BTBD7: variants seen among roughly 807,000 people sequenced by gnomAD.
BTBD7 encodes BTB/POZ domain-containing protein 7.
A neutral mutation model predicts 99.9 loss-of-function variants in BTBD7; 38 were observed. The ratio of observed to expected loss-of-function variants is 0.38; its 90% CI spans 0.29 to 0.50. BTBD7 has a LOEUF of 0.50. Ranked by LOEUF, BTBD7 falls within the 20% of genes least tolerant of loss-of-function variation. The probability of loss-of-function intolerance (pLI) is 0.93; values close to 1 mark genes in which losing one functional copy is unlikely to be tolerated. For missense variants in BTBD7, 1,170 were observed against 1,394.6 expected (o/e 0.84, Z 2.57); for synonymous variants, 520 against 511.4 (o/e 1.02, Z -0.23).
intron 1 of BTBD7, among the ~76,000 whole-genome samples, chr14:93,330,610 G>C (rs2053391132): frequency 1.3e-5 from 2 of 152,068 alleles, no homozygotes; most frequent in African/African-American, 2.4e-5. Context: ...ATATGTTAAT[G>C]GCAAAAACTG....
chr14:93,254,921 T>C lies in BTBD7; in HGVS notation c.1609-1131A>G, dbSNP rs368677189. Among the ~76,000 whole-genome samples the C allele has an allele frequency of 1.3e-4, 20 of 152,344 alleles. 1 individual carries two copies. The South Asian group carries it at 3.9e-3, about 30-fold the overall frequency. On this transcript the variant is annotated intron_variant, in intron 6 of 10. Transcript: ENST00000334746. ...CCTAACCAAAGTTCTAAAATACTTT[T>C]CTAAACTACATACAGGGTTCAATTT...
chr14:93,264,903 C>T (rs1222533416), intron 3 of BTBD7, among the ~76,000 whole-genome samples: 4 of 152,152 alleles, frequency 2.6e-5, no homozygotes, highest in African/African-American at 9.7e-5. Flanking sequence ...GAGTTAAGAC[C>T]AGTCTGGCCA....
intron 3 of BTBD7, chr14:93,288,687 G>A (rs967516197): frequency 1.9e-6 from 3 of 1,587,088 alleles, no homozygotes; most frequent in African/African-American, 2.7e-5. Flanking sequence ...GCACAGGCAG[G>A]CCTGATGACT....
At chr14:93,244,084 T>C (rs1473950898) in intron 10 of BTBD7, 1 of 473,068 alleles carries the variant, frequency 2.1e-6, no homozygotes, top group Non-Finnish European at 4.2e-6. Context: ...AGTGACACAG[T>C]AGAGGAAGGG....
At position 93,294,180 on chromosome 14, in the gene BTBD7, A is replaced by C. The variant is rs763051279; in HGVS notation, c.840T>G (p.Val280=). 3 of 1,614,220 alleles carry C rather than the reference A, an allele frequency of 1.9e-6. No homozygotes were observed. In the South Asian group the frequency reaches 3.3e-5, roughly 18 times the overall value. Residue 280 remains valine (V), a synonymous_variant, in exon 3 of 11, where the codon GTT becomes GTG. Coordinates refer to ENST00000334746, the MANE Select transcript of BTBD7 (RefSeq NM_001002860.4). ...LDEELKAHKA[V]ISARSPFFRN... ...GAAAAAATGGGGACCGTGCAGAAAT[A>C]ACAGCCTTGTGGGCTTTGAGCTCTT...
At chr14:93,310,538 T>C (rs917651504) in intron 1 of BTBD7, among the ~76,000 whole-genome samples, 2 of 152,142 alleles carry the variant, frequency 1.3e-5, no homozygotes, top group Admixed American at 1.3e-4. Flanking sequence ...TACAGTAAAT[T>C]GATAGAGACC....
chr14:93,306,670 GAAGT>G (rs2053074261), intron 1 of BTBD7, among the ~76,000 whole-genome samples: 1 of 152,122 alleles, frequency 6.6e-6, no homozygotes, highest in African/African-American at 2.4e-5. Flanking sequence ...AGAGTCTTAA[GAAGT>G]AATGGTGCTT....
chr14:93,244,532 C>T (rs952163150), intron 10 of BTBD7, among the ~76,000 whole-genome samples: 1 of 152,058 alleles, frequency 6.6e-6, no homozygotes, highest in African/African-American at 2.4e-5. Context: ...GCCTGTAATC[C>T]CAGCTACTCA....
chr14:93,315,398 T>C (rs2053188688), intron 1 of BTBD7, among the ~76,000 whole-genome samples: 1 of 152,232 alleles, frequency 6.6e-6, no homozygotes, highest in Non-Finnish European at 1.5e-5. Context: ...AGGATGCTTT[T>C]GTTAGCCATT....
intron 1 of BTBD7, among the ~76,000 whole-genome samples, chr14:93,311,453 C>T (rs969828003): frequency 3.9e-5 from 6 of 152,136 alleles, no homozygotes; most frequent in Non-Finnish European, 8.8e-5. Flanking sequence ...ATGCTTAATG[C>T]CTTTTCAGTA....
intron 1 of BTBD7, among the ~76,000 whole-genome samples, chr14:93,329,624 CA>C (rs529824441): frequency 6.6e-4 from 100 of 152,280 alleles, no homozygotes; most frequent in African/African-American, 2.4e-3. Flanking sequence ...AAAAAGAAAG[CA>C]AATTGTGACA....
chr14:93,289,638 T>C (rs1340983265), intron 3 of BTBD7, among the ~76,000 whole-genome samples: 1 of 152,240 alleles, frequency 6.6e-6, no homozygotes, highest in South Asian at 2.1e-4. Context: ...ATTTGTTTTA[T>C]TCCTTCACTA....
chr14:93,324,434 A>T (rs1042057635), intron 1 of BTBD7, among the ~76,000 whole-genome samples: 5 of 152,166 alleles, frequency 3.3e-5, no homozygotes, highest in Non-Finnish European at 7.4e-5. Flanking sequence ...AAAAAAAAAA[A>T]AGAGATTTTT....
At chr14:93,311,728 C>G (rs1035860950) in intron 1 of BTBD7, among the ~76,000 whole-genome samples, 1 of 149,456 alleles carries the variant, frequency 6.7e-6, no homozygotes, top group Non-Finnish European at 1.5e-5. Context: ...CCAATATGAT[C>G]CATGAAAATA....
chr14:93,248,753 CTTA>C, intron 8 of BTBD7, 99 bp from the exon 9 acceptor site: 1 of 1,097,720 alleles, frequency 9.1e-7, no homozygotes, highest in Non-Finnish European at 1.3e-6. Flanking sequence ...ATACCAGAAT[CTTA>C]TAAGTTTTTA....
At chr14:93,329,378 C>CCAAT in intron 1 of BTBD7, among the ~76,000 whole-genome samples, 1 of 151,690 alleles carries the variant, frequency 6.6e-6, no homozygotes, top group South Asian at 2.1e-4. Context: ...CAGCAAATAA[C>CCAAT]AAGTATTGGT....
chr14:93,268,441 C>T (rs1255427721), intron 3 of BTBD7, among the ~76,000 whole-genome samples: 2 of 152,146 alleles, frequency 1.3e-5, no homozygotes, highest in Non-Finnish European at 2.9e-5. Context: ...GTGTCTGGCA[C>T]CTAGTAGATA....
rs1288235754 is a variant in BTBD7, at chr14:93,241,743, A to AT, written c.*529_*530insA. ...AGCGGGAAGATCTCTGAACTAAAAC[A>AT]ATTACTGAAAAGAGAGGAGCATTCT... On this transcript the variant is annotated 3_prime_UTR_variant, in exon 11 of 11. Transcript: ENST00000334746. 3 of 153,726 alleles carry AT rather than the reference A, an allele frequency of 2.0e-5. No homozygotes were observed. Among genetic ancestry groups the AT allele is most frequent in the African/African-American group, 7.2e-5 (3 of 41,460 alleles). 9.5% of individuals were successfully genotyped at this position (153,726 alleles called of 1,614,324 possible).
In BTBD7 at chr14:93,246,036, C is replaced by A. The variant is rs775258347; in HGVS notation, c.2372G>T (p.Arg791Leu). The A allele has an allele frequency of 6.2e-7, 1 of 1,608,598 alleles. No individual in the cohort carries two copies. Among genetic ancestry groups the A allele is most frequent in the African/African-American group, 1.4e-5 (1 of 73,398 alleles). The change falls in exon 10 of 11, where the codon CGT becomes CTT. Residue 791 changes from arginine (R) to leucine (L), a missense_variant. This residue lies in a region of BTBD7 where 495 missense variants were observed against 525.9 expected (regional missense o/e 0.94). Transcript: ENST00000334746. ...KQRPPSQHPSRSFSYPCNHSL... is the reference protein window; with the variant it reads ...KQRPPSQHPSLSFSYPCNHSL... ...ATGATTACAGGGATAAGAAAATGAACGTGAAGGGTGCTGACTGGGAGGTCT... is the reference window on the plus strand; with the variant it reads ...ATGATTACAGGGATAAGAAAATGAAAGTGAAGGGTGCTGACTGGGAGGTCT...
Sources: gnomAD v4.1 joint callset for allele counts (sites outside exome capture counted in the v4.1 genomes callset) on GRCh38, gnomAD v4.1.1 for gene constraint, gnomAD v4.1.1 regional missense constraint, MANE v1.5 for transcripts, NCBI Gene and HGNC (gene_info 2026-07-23, HGNC 2026-07-21) for gene names.